The following VAV3 variants were observed in gnomAD, a reference collection of about 807,000 sequenced individuals.
VAV3 encodes vav guanine nucleotide exchange factor 3.
In VAV3, 94 loss-of-function variants were observed where a neutral mutation model predicts 131.2. That is an observed-to-expected ratio of 0.72 (90% CI 0.61 to 0.85). The LOEUF (loss-of-function observed/expected upper bound fraction) is 0.85, where lower values mean the gene tolerates loss of function less well. Among genes scored for constraint, VAV3 ranks in the 40% least tolerant of loss-of-function variants. VAV3 has a pLI of 0.00. For missense variants in VAV3, 939 were observed against 1,002.7 expected, an observed-to-expected ratio of 0.94 and a Z score of 0.86; for synonymous variants, 349 against 342.0, an observed-to-expected ratio of 1.02 and a Z score of -0.22.
intron 2 of VAV3, among the ~76,000 whole-genome samples, chr1:107,839,843 A>AT (rs1668618051): frequency 6.6e-6 from 1 of 152,186 alleles, no homozygotes; most frequent in Non-Finnish European, 1.5e-5. Context: ...AGGAGAGATC[A>AT]TTACTACTAA....
At chr1:107,777,320 A>G (rs1208373026) in intron 3 of VAV3, 24 bp from the exon 4 acceptor site, 2 of 1,604,876 alleles carry the variant, frequency 1.2e-6, no homozygotes, top group South Asian at 2.2e-5. Flanking sequence ...AAAAAACAAA[A>G]ACAAAAAAAC....
At chr1:107,800,824 T>C (rs1050260245) in intron 2 of VAV3, among the ~76,000 whole-genome samples, 2 of 152,276 alleles carry the variant, frequency 1.3e-5, no homozygotes, top group South Asian at 2.1e-4. Context: ...ATTTTGCCTT[T>C]ATATAATCCT....
chr1:107,750,289 A>C (rs998087826), intron 13 of VAV3, among the ~76,000 whole-genome samples: 10 of 152,226 alleles, frequency 6.6e-5, no homozygotes, highest in African/African-American at 2.4e-4. Flanking sequence ...GTAAACTGAA[A>C]ACGTTATGGT....
At chr1:107,576,247 AAGAGT>A (rs1203212343) in intron 25 of VAV3, 2 of 593,752 alleles carry the variant, frequency 3.4e-6, no homozygotes, top group East Asian at 3.2e-5. Flanking sequence ...TATGACAGAG[AAGAGT>A]AAAGTGCATG....
intron 1 of VAV3, among the ~76,000 whole-genome samples, chr1:107,945,839 AAAG>A (rs1557939575): frequency 5.9e-4 from 1 of 1,684 alleles, no homozygotes; most frequent in African/African-American, 7.5e-4. Context: ...AAAAAAAAAG[AAAG>A]AAAGAAAAGA....
chr1:107,694,174 A>T (rs571210532), intron 17 of VAV3, among the ~76,000 whole-genome samples: 71 of 152,334 alleles, frequency 4.7e-4, no homozygotes, highest in African/African-American at 1.7e-3. Flanking sequence ...TAAAGCCTAC[A>T]TAGAAATAAT....
chr1:107,955,055 T>C (rs189986239), intron 1 of VAV3, among the ~76,000 whole-genome samples: 175 of 152,304 alleles, frequency 1.1e-3, no homozygotes, highest in African/African-American at 3.6e-3. Flanking sequence ...ATAATCATTA[T>C]AGTAAAAAAT....
chr1:107,872,960 T>C (rs372431764), intron 2 of VAV3, among the ~76,000 whole-genome samples: 2 of 152,198 alleles, frequency 1.3e-5, no homozygotes, highest in African/African-American at 4.8e-5. Flanking sequence ...ACTGGTAAAT[T>C]ATGAAGCTAT....
At chr1:107,659,947 A>G (rs1404575092) in intron 19 of VAV3, among the ~76,000 whole-genome samples, 1 of 152,212 alleles carries the variant, frequency 6.6e-6, no homozygotes, top group African/African-American at 2.4e-5. Flanking sequence ...CCAAATTCTT[A>G]ATGGCAAACA....
intron 24 of VAV3, among the ~76,000 whole-genome samples, chr1:107,599,152 T>C (rs1189923885): frequency 1.3e-5 from 2 of 152,188 alleles, no homozygotes; most frequent in African/African-American, 4.8e-5. Flanking sequence ...GCGGCTTACT[T>C]AGTAAGCTGC....
chr1:107,735,593 A>T (rs898668933), intron 15 of VAV3, among the ~76,000 whole-genome samples: 6 of 151,554 alleles, frequency 4.0e-5, no homozygotes, highest in Non-Finnish European at 5.9e-5. Flanking sequence ...ACGCAAATAA[A>T]CTAGAAAATC....
intron 1 of VAV3, among the ~76,000 whole-genome samples, chr1:107,949,422 C>T (rs1674428143): frequency 6.6e-6 from 1 of 152,030 alleles, no homozygotes; most frequent in Admixed American, 6.6e-5. Flanking sequence ...GAGATCCTTC[C>T]ACGTCAGCCT....
chr1:107,764,126 A>G (rs1664600106), intron 9 of VAV3, among the ~76,000 whole-genome samples: 2 of 152,138 alleles, frequency 1.3e-5, no homozygotes, highest in East Asian at 3.9e-4. Context: ...AACATGATGT[A>G]CAAAAAAACA....
chr1:107,668,396 C>T (rs1181714845), intron 19 of VAV3, among the ~76,000 whole-genome samples: 1 of 152,182 alleles, frequency 6.6e-6, no homozygotes, highest in Non-Finnish European at 1.5e-5. Flanking sequence ...ATTTGGACAC[C>T]TGTCACAACT....
intron 2 of VAV3, among the ~76,000 whole-genome samples, chr1:107,818,415 A>C (rs1667649856): frequency 6.6e-6 from 1 of 151,778 alleles, no homozygotes; most frequent in Admixed American, 6.6e-5. Context: ...AGTAATGATT[A>C]CCTAGGAATC....
chr1:107,653,761 T>C lies in VAV3; in HGVS notation c.1778-11006A>G, dbSNP rs546738441. On this transcript the variant is annotated intron_variant, in intron 19 of 26. Coordinates refer to ENST00000370056, the MANE Select transcript of VAV3 (RefSeq NM_006113.5). ...GGAGGAGGCTAACTATGTGTCTTCA[T>C]TTTTTGAAAATAGATAAAATTTTTC... 3.3e-5 allele frequency among the ~76,000 whole-genome samples: 5 copies of C among 151,660 alleles called. No individual in the cohort carries two copies. The East Asian group carries it at 9.6e-4, about 29-fold the overall frequency.
intron 15 of VAV3, among the ~76,000 whole-genome samples, chr1:107,719,632 A>T (rs530598138): frequency 7.9e-5 from 12 of 152,340 alleles, no homozygotes; most frequent in African/African-American, 2.9e-4. Flanking sequence ...TACTTCAACC[A>T]TTGTGGAAGA....
At chr1:107,771,434 T>C (rs1448322136) in intron 5 of VAV3, among the ~76,000 whole-genome samples, 1 of 152,156 alleles carries the variant, frequency 6.6e-6, no homozygotes, top group Non-Finnish European at 1.5e-5. Flanking sequence ...TTGTGTTTTT[T>C]AGTAGAGACG....
At chr1:107,783,059 A>G (rs867728184) in intron 2 of VAV3, among the ~76,000 whole-genome samples, 2 of 152,152 alleles carry the variant, frequency 1.3e-5, no homozygotes, top group Non-Finnish European at 2.9e-5. Context: ...CCCTTTGTCT[A>G]TCCTTTGGTG....
Sources: allele counts gnomAD v4.1 joint callset (sites outside exome capture counted in the v4.1 genomes callset), GRCh38; gene constraint gnomAD v4.1.1; transcripts MANE v1.5; gene names NCBI Gene and HGNC (gene_info 2026-07-23, HGNC 2026-07-21).